The following SORCS3 variants were observed in gnomAD, a reference collection of about 807,000 sequenced individuals.
SORCS3 encodes the protein sortilin related VPS10 domain containing receptor 3, also known as VPS10 domain-containing receptor SorCS3.
Under a neutral mutation model 146.3 loss-of-function variants are expected in SORCS3, and 57 were observed. The ratio of observed to expected loss-of-function variants is 0.39; its 90% CI spans 0.31 to 0.49. The LOEUF (loss-of-function observed/expected upper bound fraction) is 0.49. Ranked by LOEUF, SORCS3 falls within the 20% of genes least tolerant of loss-of-function variation. The pLI, the probability that SORCS3 is intolerant of heterozygous loss-of-function variation, is 0.92. For missense variants in SORCS3, 1,341 were observed against 1,575.5 expected, an observed-to-expected ratio of 0.85 and a Z score of 2.52; for synonymous variants, 653 against 618.5, an observed-to-expected ratio of 1.06 and a Z score of -0.83.
intron 3 of SORCS3, among the ~76,000 whole-genome samples, chr10:104,959,883 C>G (rs982204433): frequency 1.3e-5 from 2 of 152,186 alleles, no homozygotes; most frequent in Non-Finnish European, 1.5e-5. Context: ...TGTCTCTCCT[C>G]TGGGTGAACA....
At chr10:105,119,701 C>T (rs1268345684) in intron 7 of SORCS3, among the ~76,000 whole-genome samples, 3 of 152,152 alleles carry the variant, frequency 2.0e-5, no homozygotes, top group African/African-American at 4.8e-5. Flanking sequence ...AATGGCTGCC[C>T]TATTGGATTT....
intron 2 of SORCS3, among the ~76,000 whole-genome samples, chr10:104,863,131 T>C (rs1289212685): frequency 6.6e-6 from 1 of 152,192 alleles, no homozygotes; most frequent in Non-Finnish European, 1.5e-5. Flanking sequence ...TACAGGTGGA[T>C]TTGGATGATA....
chr10:104,828,274 T>C (rs2017960659), intron 1 of SORCS3, among the ~76,000 whole-genome samples: 1 of 152,164 alleles, frequency 6.6e-6, no homozygotes, highest in Non-Finnish European at 1.5e-5. Flanking sequence ...GACTCTTCCT[T>C]TTACTCAAAC....
chr10:105,105,330 T>C, intron 6 of SORCS3, 67 bp from the exon 7 acceptor site: 6 of 970,974 alleles, frequency 6.2e-6, no homozygotes, highest in Non-Finnish European at 8.2e-6. Context: ...TAGAGTTTTG[T>C]ATGCTACCTG....
chr10:105,023,452 G>A (rs1023608057), intron 4 of SORCS3, among the ~76,000 whole-genome samples: 1 of 152,076 alleles, frequency 6.6e-6, no homozygotes, highest in Non-Finnish European at 1.5e-5. Flanking sequence ...AACTGTGGGG[G>A]GAGCCTCCTT....
At chr10:105,177,806 C>A (rs1208569840) in intron 13 of SORCS3, among the ~76,000 whole-genome samples, 3 of 152,016 alleles carry the variant, frequency 2.0e-5, no homozygotes, top group Non-Finnish European at 4.4e-5. Flanking sequence ...TCCACTAAGC[C>A]CTCCTGCTTG....
At chr10:104,830,745 T>C (rs1343489735) in intron 1 of SORCS3, among the ~76,000 whole-genome samples, 1 of 152,220 alleles carries the variant, frequency 6.6e-6, no homozygotes, top group Non-Finnish European at 1.5e-5. Context: ...CTTTGGCTAT[T>C]GTGAGTGTTC....
chr10:104,974,200 G>C (rs2054879501), intron 3 of SORCS3, among the ~76,000 whole-genome samples: 1 of 152,186 alleles, frequency 6.6e-6, no homozygotes, highest in Non-Finnish European at 1.5e-5. Flanking sequence ...TTCTGTAGAT[G>C]TCTATTAGGT....
At chr10:105,037,636 C>G (rs1295179745) in intron 4 of SORCS3, among the ~76,000 whole-genome samples, 1 of 152,134 alleles carries the variant, frequency 6.6e-6, no homozygotes, top group Non-Finnish European at 1.5e-5. Flanking sequence ...GCTTATGAGC[C>G]TACATTTCTC....
intron 4 of SORCS3, among the ~76,000 whole-genome samples, chr10:104,978,721 T>G (rs537399596): frequency 6.6e-6 from 1 of 152,362 alleles, no homozygotes; most frequent in East Asian, 1.9e-4. Flanking sequence ...AAGTTTTGTT[T>G]GTCATCTGAA....
At chr10:105,224,407 T>C (rs1268554173) in intron 20 of SORCS3, among the ~76,000 whole-genome samples, 1 of 152,216 alleles carries the variant, frequency 6.6e-6, no homozygotes, top group Admixed American at 6.5e-5. Context: ...TGTCTTTTCG[T>C]GTCTTGATAG....
chr10:105,206,514 G>A (rs1301859253), intron 16 of SORCS3, among the ~76,000 whole-genome samples: 1 of 152,192 alleles, frequency 6.6e-6, no homozygotes, highest in Non-Finnish European at 1.5e-5. Flanking sequence ...CCTGCAGGAG[G>A]TAGTGGTGGG....
At chr10:104,659,149 T>A (rs976605289) in intron 1 of SORCS3, among the ~76,000 whole-genome samples, 1 of 152,216 alleles carries the variant, frequency 6.6e-6, no homozygotes, top group Admixed American at 6.5e-5. Context: ...CAAGGAGGAC[T>A]TTTTTGCTTG....
chr10:105,076,566 C>T (rs564284734), intron 5 of SORCS3, among the ~76,000 whole-genome samples: 7 of 152,190 alleles, frequency 4.6e-5, no homozygotes, highest in East Asian at 1.9e-4. Context: ...AGGCAGCCCT[C>T]GGGAAGTACT....
At chr10:104,758,921 A>G (rs1414831741) in intron 1 of SORCS3, among the ~76,000 whole-genome samples, 5 of 152,182 alleles carry the variant, frequency 3.3e-5, no homozygotes, top group Non-Finnish European at 7.3e-5. Context: ...GGTTTCAAAC[A>G]TGAGGTCTTG....
intron 1 of SORCS3, among the ~76,000 whole-genome samples, chr10:104,721,510 G>T: frequency 6.6e-6 from 1 of 151,258 alleles, no homozygotes; most frequent in Non-Finnish European, 1.5e-5. Flanking sequence ...CCAATTCTGT[G>T]AAGAAAGTCA....
At chr10:104,906,678 C>A (rs937395558) in intron 2 of SORCS3, among the ~76,000 whole-genome samples, 1 of 152,146 alleles carries the variant, frequency 6.6e-6, no homozygotes, top group African/African-American at 2.4e-5. Flanking sequence ...TGAAATGAAT[C>A]CTCTTGTGAT....
intron 17 of SORCS3, among the ~76,000 whole-genome samples, 189 bp downstream of exon 17, chr10:105,211,439 C>G (rs2119641196): frequency 6.6e-6 from 1 of 152,322 alleles, no homozygotes; most frequent in South Asian, 2.1e-4. Flanking sequence ...GAAGAGATTT[C>G]TGATCAACCA....
At chr10:105,126,527 G>A (rs890335392) in intron 7 of SORCS3, among the ~76,000 whole-genome samples, 1 of 152,166 alleles carries the variant, frequency 6.6e-6, no homozygotes, top group African/African-American at 2.4e-5. Context: ...GGCAGTGGGA[G>A]TATAAGTCAC....
Sources: gnomAD v4.1 joint callset for allele counts (sites outside exome capture counted in the v4.1 genomes callset) on GRCh38, gnomAD v4.1.1 for gene constraint, MANE v1.5 for transcripts, NCBI Gene and HGNC (gene_info 2026-07-23, HGNC 2026-07-21) for gene names.